SS18L1: variants seen among roughly 807,000 people sequenced by gnomAD.
The protein encoded by SS18L1 is calcium-responsive transactivator.
In SS18L1, 32 loss-of-function variants were observed where a neutral mutation model predicts 70.3. The ratio of observed to expected loss-of-function variants is 0.46; its 90% CI spans 0.34 to 0.61. The LOEUF (loss-of-function observed/expected upper bound fraction) is 0.61, where lower values mean the gene tolerates loss of function less well. SS18L1 is among the 20% of genes least tolerant of loss of function. SS18L1 has a pLI of 0.01. For missense variants in SS18L1, 430 were observed against 542.1 expected, an observed-to-expected ratio of 0.79 and a Z score of 2.05; for synonymous variants, 237 against 229.7, an observed-to-expected ratio of 1.03 and a Z score of -0.29.
At chr20:62,163,056 C>A in intron 5 of SS18L1, 125 bp downstream of exon 5, 2 of 1,314,820 alleles carry the variant, frequency 1.5e-6, no homozygotes, top group Non-Finnish European at 2.1e-6. Flanking sequence ...GGGAGGGGCC[C>A]GTGAATCGGG....
intron 8 of SS18L1, among the ~76,000 whole-genome samples, chr20:62,166,891 C>T (rs111598400): frequency 3.3e-5 from 5 of 150,894 alleles, no homozygotes; most frequent in South Asian, 2.1e-4. Context: ...TGCCATTGCA[C>T]TCCAGCCTGG....
At position 62,159,846 on chromosome 20, in the gene SS18L1, T is replaced by C. The variant is rs771000045; in HGVS notation, c.147-31T>C. 1.2e-5 allele frequency: 19 copies of C among 1,607,288 alleles called. No individual in the cohort carries two copies. Among genetic ancestry groups the C allele is most frequent in the African/African-American group, 8.0e-5 (6 of 74,738 alleles). Reference sequence around the variant, plus strand: ...ACGTGGGGACTCTGTGGTCCCGTCGTCCTGCCTCATGCGTGCCCCCTCTCC... The same window carrying C: ...ACGTGGGGACTCTGTGGTCCCGTCGCCCTGCCTCATGCGTGCCCCCTCTCC... On this transcript the variant is annotated intron_variant, in intron 2 of 10. Transcript: ENST00000331758. The surrounding 1 kb of genome is among the most constrained non-coding windows in gnomAD (Gnocchi z 4.4).
chr20:62,167,333 G>A (rs982235045), intron 8 of SS18L1, among the ~76,000 whole-genome samples: 5 of 149,988 alleles, frequency 3.3e-5, no homozygotes, highest in Non-Finnish European at 7.4e-5. Flanking sequence ...GTGAGCCACC[G>A]CGCCCGGCCG....
In SS18L1 at chr20:62,158,799, A is replaced by G. The variant is rs570103237; in HGVS notation, c.146+51A>G. The G allele has an allele frequency of 1.6e-5, 26 of 1,612,736 alleles. No homozygotes were observed. The African/African-American group carries it at 2.0e-4, about 12-fold the overall frequency. ...ACTTGGAGGGTGTCATGCAGAGTCT[A>G]AGCACAGAGGCCAGATACGTCCCAA... On this transcript the variant is annotated intron_variant, in intron 2 of 10. Coordinates refer to ENST00000331758, the MANE Select transcript of SS18L1 (RefSeq NM_198935.3). The surrounding 1 kb of genome is among the most constrained non-coding windows in gnomAD (Gnocchi z 4.5).
At chr20:62,166,629 TA>T (rs2057436365) in intron 8 of SS18L1, among the ~76,000 whole-genome samples, 1 of 140,880 alleles carries the variant, frequency 7.1e-6, no homozygotes, top group Non-Finnish European at 1.5e-5. Flanking sequence ...AATGAAAGTT[TA>T]AAAGAAGAAA....
rs200848812 is a variant in SS18L1 at position 62,161,381 on chromosome 20, A to G, written c.232-55A>G. On this transcript the variant is annotated intron_variant, in intron 3 of 10. Transcript: ENST00000331758. This position sits in a 1 kb window ranked among gnomAD's most constrained non-coding sequence, Gnocchi z 4.4. ...CTCTCATCCCTGGCCTGGCTTGTGG[A>G]GGTCGCTCTCCGTAAATTAACCGTT... 17 of 1,611,456 alleles carry G rather than the reference A, an allele frequency of 1.1e-5. No individual in the cohort carries two copies. The highest frequency in any genetic ancestry group is 1.2e-5 in the Non-Finnish European group (14 of 1,179,574).
chr20:62,149,702 C>T (rs1448640030), intron 1 of SS18L1, among the ~76,000 whole-genome samples: 2 of 152,224 alleles, frequency 1.3e-5, no homozygotes, highest in African/African-American at 4.8e-5. Flanking sequence ...TGCCCAGCAG[C>T]CTTGTAATTG....
At chr20:62,170,724 G>T (rs539084874) in intron 8 of SS18L1, among the ~76,000 whole-genome samples, 76 of 152,310 alleles carry the variant, frequency 5.0e-4, no homozygotes, top group African/African-American at 1.8e-3. Context: ...GGGATAGGGC[G>T]GCTGCTGCCA....
At chr20:62,177,902 A>C (rs1653589845) in intron 10 of SS18L1, among the ~76,000 whole-genome samples, 1 of 151,332 alleles carries the variant, frequency 6.6e-6, no homozygotes, top group African/African-American at 2.4e-5. Flanking sequence ...TTGTATTTTT[A>C]GTAGAGACAG....
intron 1 of SS18L1, among the ~76,000 whole-genome samples, chr20:62,157,966 C>T (rs73613547): frequency 0.071 from 10,858 of 152,240 alleles, 482 homozygotes; most frequent in South Asian, 0.19. Context: ...TTGGTGCAGC[C>T]CCTGCAGGAA....
At chr20:62,150,965 G>C (rs1271655332) in intron 1 of SS18L1, among the ~76,000 whole-genome samples, 1 of 152,110 alleles carries the variant, frequency 6.6e-6, no homozygotes, top group African/African-American at 2.4e-5. Context: ...AAATTAAAAA[G>C]GTTCCAAAAG....
chr20:62,177,427 C>T (rs1015968759), intron 10 of SS18L1, among the ~76,000 whole-genome samples: 5 of 152,178 alleles, frequency 3.3e-5, no homozygotes, highest in Non-Finnish European at 7.3e-5. Context: ...GAACAGACTC[C>T]CACTAACTAG....
intron 6 of SS18L1, 45 bp from the exon 7 acceptor site, chr20:62,164,100 A>C: frequency 6.6e-7 from 1 of 1,522,858 alleles, no homozygotes; most frequent in Non-Finnish European, 8.9e-7. Flanking sequence ...CCTCTGAGGG[A>C]GGAGGGCGCG....
chr20:62,169,910 C>G (rs75900890), intron 8 of SS18L1, among the ~76,000 whole-genome samples: 1 of 152,316 alleles, frequency 6.6e-6, no homozygotes, highest in East Asian at 1.9e-4. Context: ...CTCAGGCCCT[C>G]GCCAGGTGGT....
chr20:62,162,001 A>C (rs543183275), intron 4 of SS18L1, among the ~76,000 whole-genome samples: 135 of 152,320 alleles, frequency 8.9e-4, no homozygotes, highest in African/African-American at 3.2e-3. Context: ...CCAGCAGACT[A>C]CTTGAGGCCA....
Position 62,164,035 on chromosome 20 carries a change from TC to T in SS18L1, c.722-109del, listed in dbSNP as rs2057381488. The T allele has an allele frequency of 1.2e-5, 11 of 891,488 alleles. No individual in the cohort carries two copies. The South Asian group carries it at 1.9e-4, about 15-fold the overall frequency. 55.2% of individuals were successfully genotyped at this position (891,488 alleles called of 1,614,324 possible). A position where few individuals can be genotyped will look rare whatever the true frequency, so the allele number is the denominator to read the frequency against. On this transcript the variant is annotated intron_variant, in intron 6 of 10. Transcript: ENST00000331758. ...ACGATGACAGCGTGGGGTGTTCTCCTCGGGTGGGTGAGGCCATTCAGCAAGG... is the reference window on the plus strand; with the variant it reads ...ACGATGACAGCGTGGGGTGTTCTCCTGGGTGGGTGAGGCCATTCAGCAAGG...
rs543045711 is a variant in SS18L1, at chr20:62,162,972, G to A, written c.556+41G>A. ...CTGCAACCCCGGGGGGCCTGGGCCTGCCTCCAAGACCCTTGACACATGCAC... is the reference window on the plus strand; with the variant it reads ...CTGCAACCCCGGGGGGCCTGGGCCTACCTCCAAGACCCTTGACACATGCAC... On this transcript the variant is annotated intron_variant, in intron 5 of 10. Transcript: ENST00000331758. 3.1e-6 allele frequency: 5 copies of A among 1,599,678 alleles called. No homozygotes were observed. The Admixed American group carries it at 5.1e-5, about 16-fold the overall frequency.
At chr20:62,164,107 C>T (rs755324465) in intron 6 of SS18L1, 38 bp from the exon 7 acceptor site, 23 of 1,531,822 alleles carry the variant, frequency 1.5e-5, no homozygotes, top group Admixed American at 6.0e-5. Flanking sequence ...GGGAGGAGGG[C>T]GCGGCCCGCA....
At chr20:62,170,114 A>G (rs2097023985) in intron 8 of SS18L1, among the ~76,000 whole-genome samples, 1 of 152,212 alleles carries the variant, frequency 6.6e-6, no homozygotes, top group African/African-American at 2.4e-5. Context: ...CTTCTGAGGA[A>G]GCAGAGGGTG....
Sources: allele counts gnomAD v4.1 joint callset (sites outside exome capture counted in the v4.1 genomes callset), GRCh38; gene constraint gnomAD v4.1.1; non-coding constraint Gnocchi (gnomAD v3.1); transcripts MANE v1.5; gene names NCBI Gene and HGNC (gene_info 2026-07-23, HGNC 2026-07-21).